Variants in MAPT observed in about 807,000 individuals in gnomAD.
MAPT encodes the protein microtubule-associated protein tau.
In MAPT, 34 loss-of-function variants were observed where a neutral mutation model predicts 67.9. That is an observed-to-expected ratio of 0.50 (90% CI 0.38 to 0.67). MAPT has a LOEUF of 0.67. Among genes scored for constraint, MAPT ranks in the 30% least tolerant of loss-of-function variants. The pLI is 0.00. For synonymous variants in MAPT, 456 were observed against 464.5 expected, an observed-to-expected ratio of 0.98 and a Z score of 0.23; for missense variants, 881 against 1,115.2, an observed-to-expected ratio of 0.79 and a Z score of 2.99.
At chr17:46,002,176 G>A (rs1056264058) in intron 9 of MAPT, among the ~76,000 whole-genome samples, 8 of 152,206 alleles carry the variant, frequency 5.3e-5, no homozygotes, top group African/African-American at 1.7e-4. Flanking sequence ...TCTGGACATC[G>A]CCCGACAGGA....
At position 46,001,450 on chromosome 17, in the gene MAPT, T is replaced by TA. The variant is rs72322876; in HGVS notation, c.1998+4797dup. On this transcript the variant is annotated intron_variant, in intron 9 of 12. Transcript: ENST00000262410. ...AAAACACAACCTTGCACTCCTAACTTAAAAAAAAAAATGAAGAAAACACAA... is the reference window on the plus strand; with the variant it reads ...AAAACACAACCTTGCACTCCTAACTTAAAAAAAAAAAATGAAGAAAACACAA... Among the ~76,000 whole-genome samples the TA allele has an allele frequency of 1.3e-3, 192 of 148,472 alleles. 2 individuals carry two copies. Among genetic ancestry groups the TA allele is most frequent in the African/African-American group, 4.0e-3 (161 of 40,556 alleles).
Position 46,024,021 on chromosome 17 carries a change from C to T in MAPT, c.2352C>T (p.Ile784=), listed in dbSNP as rs151046349. The T allele has an allele frequency of 3.7e-6, 6 of 1,614,012 alleles. No homozygotes were observed. The highest frequency in any genetic ancestry group is 1.7e-5 in the Admixed American group (1 of 59,996). ...AKAKTDHGAE[I]VYKSPVVSGD... ...CCAAGACAGACCACGGGGCGGAGAT[C>T]GTGTACAAGTCGCCAGTGGTGTCTG... The change falls in exon 13 of 13, where the codon ATC becomes ATT. Residue 784 remains isoleucine (I), a synonymous_variant. Transcript: ENST00000262410.
chr17:45,904,181 ATATAT>A (rs2064032535), intron 1 of MAPT, among the ~76,000 whole-genome samples: 2 of 38,672 alleles, frequency 5.2e-5, no homozygotes, highest in South Asian at 1.3e-3. Context: ...TATATATATA[ATATAT>A]TGTATATATT....
chr17:45,988,457 G>A (rs1401022200), intron 6 of MAPT, among the ~76,000 whole-genome samples: 2 of 152,050 alleles, frequency 1.3e-5, no homozygotes, highest in African/African-American at 4.8e-5. Flanking sequence ...CGGGCAGGAC[G>A]AACTGTGGGT....
rs1012894245 is a variant in MAPT, at chr17:45,983,819, G to A, written c.1240G>A (p.Gly414Ser). Residue 414 changes from glycine (G) to serine (S), a missense_variant, in exon 5 of 13, where the codon GGC becomes AGC. Gly to Ser is a moderately conservative substitution (Grantham distance 56). Around this residue, in one of 6 missense-constraint regions of MAPT, gnomAD observed 687 missense variants for 766.1 expected, o/e 0.90. Transcript: ENST00000262410. ...CCCTGGAGAGGGGCCAGAGGCCCGG[G>A]GCCCCTCTTTGGGAGAGGACACAAA... ...GAPGEGPEARGPSLGEDTKEA... is the reference protein window; with the variant it reads ...GAPGEGPEARSPSLGEDTKEA... 12 of 1,612,966 alleles carry A rather than the reference G, an allele frequency of 7.4e-6. No individual in the cohort carries two copies. Among genetic ancestry groups the A allele is most frequent in the Non-Finnish European group, 1.0e-5 (12 of 1,179,916 alleles).
rs950116787 is a variant in MAPT at position 45,971,064 on chromosome 17, C to A, written c.134-795C>A. 1.1e-4 allele frequency among the ~76,000 whole-genome samples: 17 copies of A among 152,164 alleles called. No individual in the cohort carries two copies. The highest frequency in any genetic ancestry group is 7.2e-4 in the Admixed American group (11 of 15,276). ...ATGCATTGATAAGCCCATAAAATAA[C>A]CAGGGCAGATTGACTCCCAGTGGCC... On this transcript the variant is annotated intron_variant, in intron 2 of 12. Transcript: ENST00000262410. This position sits in a 1 kb window ranked among gnomAD's most constrained non-coding sequence, Gnocchi z 4.3.
chr17:45,929,198 A>T (rs1054547467), intron 1 of MAPT, among the ~76,000 whole-genome samples: 26 of 152,220 alleles, frequency 1.7e-4, no homozygotes, highest in Admixed American at 1.4e-3. Flanking sequence ...TTCATATTTC[A>T]TGAAATTTCA....
chr17:46,017,651 G>T (rs533693094), intron 11 of MAPT, among the ~76,000 whole-genome samples: 5 of 147,888 alleles, frequency 3.4e-5, no homozygotes, highest in Non-Finnish European at 6.0e-5. Context: ...TAGAGACGAG[G>T]TTTCACCATG....
At chr17:45,904,903 C>G (rs1343234979) in intron 1 of MAPT, among the ~76,000 whole-genome samples, 1 of 152,080 alleles carries the variant, frequency 6.6e-6, no homozygotes, top group East Asian at 1.9e-4. Flanking sequence ...TCTATAACCT[C>G]CTGTTACACT....
chr17:45,956,951 T>C (rs1415314549), intron 1 of MAPT, among the ~76,000 whole-genome samples: 1 of 152,000 alleles, frequency 6.6e-6, no homozygotes, highest in Non-Finnish European at 1.5e-5. Flanking sequence ...GGCTGCATAG[T>C]ATTCCATGGT....
chr17:45,982,035 A>G (rs1458004145), intron 4 of MAPT, among the ~76,000 whole-genome samples: 1 of 145,222 alleles, frequency 6.9e-6, no homozygotes, highest in Non-Finnish European at 1.5e-5. Flanking sequence ...AAAAAAAAAG[A>G]AAGAAAGAAA....
intron 1 of MAPT, among the ~76,000 whole-genome samples, chr17:45,948,410 G>A (rs1466406044): frequency 6.6e-6 from 1 of 152,204 alleles, no homozygotes; most frequent in Non-Finnish European, 1.5e-5. Context: ...GGACTAGGAT[G>A]CCTGCCCTAA....
intron 6 of MAPT, among the ~76,000 whole-genome samples, chr17:45,987,414 T>C (rs2073661736): frequency 6.6e-6 from 1 of 152,110 alleles, no homozygotes; most frequent in Admixed American, 6.5e-5. Context: ...TAAATGAAGG[T>C]GTGTTTGAAA....
At chr17:45,947,390 T>C (rs1246015812) in intron 1 of MAPT, among the ~76,000 whole-genome samples, 4 of 150,760 alleles carry the variant, frequency 2.7e-5, no homozygotes, top group Non-Finnish European at 5.9e-5. Context: ...TTTCTTTTTT[T>C]TTTTTTTTTT....
intron 11 of MAPT, among the ~76,000 whole-genome samples, chr17:46,014,799 G>A (rs572255213): frequency 1.3e-5 from 2 of 152,118 alleles, no homozygotes; most frequent in Admixed American, 6.6e-5. Context: ...GCGTGAACCC[G>A]GAAGGCGGAG....
chr17:45,974,585 A>G (rs1473613433), intron 3 of MAPT: 8 of 819,546 alleles, frequency 9.8e-6, no homozygotes, highest in Admixed American at 2.1e-5. Flanking sequence ...GGGCAGGAAC[A>G]TGGGTGGATT....
rs1402352529 is a variant in MAPT, at chr17:46,027,947, C to G, written c.*3776C>G. The G allele has an allele frequency of 6.5e-6, 1 of 153,034 alleles. No individual in the cohort carries two copies. The highest frequency in any genetic ancestry group is 1.5e-5 in the Non-Finnish European group (1 of 68,588). The allele number at this position is 153,034 out of a possible 1,614,324, so 9.5% of individuals were successfully genotyped here. On this transcript the variant is annotated 3_prime_UTR_variant, in exon 13 of 13. Transcript: ENST00000262410. ...AGCTGAGATCACTCGCTTCACCCTC[C>G]TCATCTTTGTTCTCCAAGTAAAGCC...
At chr17:45,975,173 T>C (rs1339259879) in intron 3 of MAPT, 8 of 152,296 alleles carry the variant, frequency 5.3e-5, no homozygotes, top group Non-Finnish European at 2.9e-5. Flanking sequence ...TCATGTCTTC[T>C]TCACTGCACT....
chr17:45,978,491 A>C, intron 4 of MAPT, 51 bp downstream of exon 4: 51 of 747,434 alleles, frequency 6.8e-5, no homozygotes, highest in East Asian at 2.3e-4. Context: ...GGGGAGGGAC[A>C]TGGGGTGGGC....
Sources: gnomAD v4.1 joint callset for allele counts (sites outside exome capture counted in the v4.1 genomes callset) on GRCh38, gnomAD v4.1.1 for gene constraint, gnomAD v4.1.1 regional missense constraint, Gnocchi (gnomAD v3.1) non-coding constraint, MANE v1.5 for transcripts, NCBI Gene and HGNC (gene_info 2026-07-23, HGNC 2026-07-21) for gene names.